The following DLG1 variants were observed in gnomAD, a reference collection of about 807,000 sequenced individuals.
DLG1 encodes disks large homolog 1.
DLG1 carries 42 observed loss-of-function variants against 123.4 expected under a neutral mutation model. The ratio of observed to expected loss-of-function variants is 0.34; its 90% CI spans 0.27 to 0.44. DLG1 has a LOEUF of 0.44. DLG1 is among the 20% of genes least tolerant of loss of function. DLG1 has a pLI of 1.00. For missense variants in DLG1, 942 were observed against 1,082.6 expected, an observed-to-expected ratio of 0.87 and a Z score of 1.82; for synonymous variants, 317 against 356.2, an observed-to-expected ratio of 0.89 and a Z score of 1.24.
chr3:197,073,720 A>G (rs781738247), intron 18 of DLG1, among the ~76,000 whole-genome samples: 5 of 152,158 alleles, frequency 3.3e-5, no homozygotes, highest in African/African-American at 4.8e-5. Flanking sequence ...AAAGCGTTCT[A>G]TGGTATCACT....
intron 4 of DLG1, among the ~76,000 whole-genome samples, chr3:197,203,879 G>T (rs1478547394): frequency 6.6e-6 from 1 of 152,202 alleles, no homozygotes; most frequent in Non-Finnish European, 1.5e-5. Flanking sequence ...ATTAAAATAG[G>T]GCTGGTGGGG....
At chr3:197,153,120 A>G (rs1191636043) in intron 5 of DLG1, among the ~76,000 whole-genome samples, 1 of 152,190 alleles carries the variant, frequency 6.6e-6, no homozygotes, top group Non-Finnish European at 1.5e-5. Flanking sequence ...TTCCAATGCA[A>G]AACTCACAAA....
At chr3:197,081,642 G>GAT (rs1465643930) in intron 16 of DLG1, among the ~76,000 whole-genome samples, 2 of 151,796 alleles carry the variant, frequency 1.3e-5, no homozygotes, top group African/African-American at 2.4e-5. Context: ...TAATTTTAAT[G>GAT]ATATATGTGT....
At chr3:197,143,379 C>A (rs1789046973) in intron 6 of DLG1, among the ~76,000 whole-genome samples, 1 of 152,110 alleles carries the variant, frequency 6.6e-6, no homozygotes, top group Admixed American at 6.5e-5. Flanking sequence ...CCTCAGCCTC[C>A]CGAGTAGCTG....
At chr3:197,256,625 CAT>C (rs375897389) in intron 4 of DLG1, among the ~76,000 whole-genome samples, 166 of 152,280 alleles carry the variant, frequency 1.1e-3, no homozygotes, top group South Asian at 7.0e-3. Context: ...ACATGTAAAA[CAT>C]AAGTTTCAGA....
chr3:197,259,323 C>T (rs576810493), intron 4 of DLG1, among the ~76,000 whole-genome samples: 18 of 152,172 alleles, frequency 1.2e-4, no homozygotes, highest in East Asian at 1.2e-3. Flanking sequence ...TGTCTGTATC[C>T]GATCAGAAAC....
At chr3:197,073,749 C>T (rs1465554680) in intron 18 of DLG1, among the ~76,000 whole-genome samples, 1 of 152,188 alleles carries the variant, frequency 6.6e-6, no homozygotes, top group Non-Finnish European at 1.5e-5. Flanking sequence ...TCTGTCTGCT[C>T]TTCAATTAAA....
rs1216752988 is a variant in DLG1 at position 197,198,100 on chromosome 3, GA to G, written c.319-3512del. ...GACATTAAAAGCATCAGCAACCAAA[GA>G]AAAAACATAAATTGGACTCATCAAA... On this transcript the variant is annotated intron_variant, in intron 4 of 24. Coordinates refer to ENST00000667157, the MANE Select transcript of DLG1 (RefSeq NM_001366207.1). Among the ~76,000 whole-genome samples the G allele has an allele frequency of 4.0e-5, 6 of 151,516 alleles. No individual in the cohort carries two copies. The East Asian group carries it at 1.2e-3, about 29-fold the overall frequency.
intron 17 of DLG1, among the ~76,000 whole-genome samples, chr3:197,077,444 C>T (rs571128154): frequency 6.6e-6 from 1 of 152,108 alleles, no homozygotes; most frequent in East Asian, 1.9e-4. Context: ...AGTCTCCTGA[C>T]CAACGTGAAT....
At chr3:197,120,273 G>GAAAAAAAAAAAAA (rs3050713) in intron 11 of DLG1, among the ~76,000 whole-genome samples, 3 of 127,600 alleles carry the variant, frequency 2.4e-5, no homozygotes, top group Admixed American at 1.6e-4. Context: ...TCTCGAGAAA[G>GAAAAAAAAAAAAA]AAAAAAAAAA....
intron 5 of DLG1, among the ~76,000 whole-genome samples, chr3:197,155,678 C>G (rs982964046): frequency 2.0e-5 from 3 of 151,942 alleles, no homozygotes; most frequent in Non-Finnish European, 4.4e-5. Flanking sequence ...CCTGTAATCC[C>G]AGCACTTCAG....
At chr3:197,066,681 A>C in intron 20 of DLG1, 23 bp downstream of exon 20, 1 of 1,559,034 alleles carries the variant, frequency 6.4e-7, no homozygotes, top group Non-Finnish European at 8.8e-7. Flanking sequence ...GAAGGTTATA[A>C]AACATCAATA....
intron 13 of DLG1, among the ~76,000 whole-genome samples, chr3:197,109,539 A>C (rs1255091616): frequency 6.6e-6 from 1 of 152,250 alleles, no homozygotes; most frequent in African/African-American, 2.4e-5. Context: ...AGTTGCATAT[A>C]AAACAATACC....
chr3:197,282,504 C>T, intron 4 of DLG1, 175 bp downstream of exon 4: 1 of 410,848 alleles, frequency 2.4e-6, no homozygotes, highest in Non-Finnish European at 4.1e-6. Context: ...AACAGAGAAT[C>T]TGAGCTTTGC....
chr3:197,183,869 G>A, intron 5 of DLG1: 1 of 1,511,156 alleles, frequency 6.6e-7, no homozygotes, highest in Non-Finnish European at 8.9e-7. Context: ...GCTGAGTGGT[G>A]AATGATCGGT....
chr3:197,185,211 C>T (rs1471193628), intron 5 of DLG1, among the ~76,000 whole-genome samples: 3 of 152,158 alleles, frequency 2.0e-5, no homozygotes, highest in Non-Finnish European at 2.9e-5. Flanking sequence ...GATATTTTTT[C>T]GGATGTGGAC....
chr3:197,114,126 G>C (rs1369670373), intron 13 of DLG1, among the ~76,000 whole-genome samples: 1 of 152,176 alleles, frequency 6.6e-6, no homozygotes, highest in Non-Finnish European at 1.5e-5. Context: ...TAGGAGTTTA[G>C]GGACAGAGTA....
chr3:197,194,578 A>G lies in DLG1; in HGVS notation c.330T>C (p.Tyr110=). 6.3e-7 allele frequency: 1 copy of G among 1,589,546 alleles called. No individual in the cohort carries two copies. The highest frequency in any genetic ancestry group is 8.5e-7 in the Non-Finnish European group (1 of 1,171,810). ...CTTGAGGAGGTGTATCTTCATCCTGATACCTGTATTTCTGTAAAGAAAATA... is the reference window on the plus strand; with the variant it reads ...CTTGAGGAGGTGTATCTTCATCCTGGTACCTGTATTTCTGTAAAGAAAATA... The part of the protein sequence containing the change: ...SLSPSVEKYR[Y]QDEDTPPQEH... Residue 110 remains tyrosine, a synonymous_variant, in exon 5 of 25, where the codon TAT becomes TAC. Transcript: ENST00000667157.
chr3:197,155,237 A>G lies in DLG1; in HGVS notation c.484-5441T>C, dbSNP rs148190171. On this transcript the variant is annotated intron_variant, in intron 5 of 24. Coordinates refer to ENST00000667157, the MANE Select transcript of DLG1 (RefSeq NM_001366207.1). ...TGAGATTATCAGCAGACTTCACATC[A>G]GACACTCTGGAGGTCATATGGCAGT... Among the ~76,000 whole-genome samples the G allele has an allele frequency of 9.7e-3, 1,477 of 152,312 alleles. 17 individuals are homozygous for G. The highest frequency in any genetic ancestry group is 0.023 in the African/African-American group (959 of 41,576).
Sources: allele counts gnomAD v4.1 joint callset (sites outside exome capture counted in the v4.1 genomes callset), GRCh38; gene constraint gnomAD v4.1.1; transcripts MANE v1.5; gene names NCBI Gene and HGNC (gene_info 2026-07-23, HGNC 2026-07-21).